The following ZFTA variants were observed in gnomAD, a reference collection of about 807,000 sequenced individuals.
ZFTA encodes the protein zinc finger translocation-associated protein.
Under a neutral mutation model 41.8 loss-of-function variants are expected in ZFTA, and 35 were observed. The observed-to-expected ratio is 0.84, with a 90% CI of 0.64 to 1.11. The LOEUF (loss-of-function observed/expected upper bound fraction) is 1.11, where lower values mean the gene tolerates loss of function less well. ZFTA is among the 50% of genes most tolerant of loss of function. The pLI is 0.00. For missense variants in ZFTA, 964 were observed against 989.8 expected (o/e 0.97, Z 0.35); for synonymous variants, 514 against 436.4 (o/e 1.18, Z -2.22).
intron 1 of ZFTA, 70 bp from the exon 2 acceptor site, chr11:63,766,374 G>A: frequency 7.1e-7 from 1 of 1,404,020 alleles, no homozygotes; most frequent in Non-Finnish European, 9.2e-7. Context: ...GGCTTTGATG[G>A]TGAGCCCTGA....
Position 63,764,302 on chromosome 11 carries a change from C to A in ZFTA, c.1321G>T (p.Val441Leu), listed in dbSNP as rs2014707329. The A allele has an allele frequency of 1.4e-6, 2 of 1,424,878 alleles. No homozygotes were observed. Among genetic ancestry groups the A allele is most frequent in the Non-Finnish European group, 1.8e-6 (2 of 1,095,278 alleles). The allele number at this position is 1,424,878 out of a possible 1,614,324, so 88.3% of individuals were successfully genotyped here. A position where few individuals can be genotyped will look rare whatever the true frequency, so the allele number is the denominator to read the frequency against. ...AGCGAGGCCAGCGCGCCCCCGCACACCCCGCACACCAGGCCGCGCCGGCCG... is the reference window on the plus strand; with the variant it reads ...AGCGAGGCCAGCGCGCCCCCGCACAACCCGCACACCAGGCCGCGCCGGCCG... ...DGGRRGLVCGVCGGALASLKM... is the reference protein window; with the variant it reads ...DGGRRGLVCGLCGGALASLKM... Residue 441 changes from valine (V) to leucine (L), a missense_variant, in exon 4 of 5, where the codon GTG (valine) becomes TTG (leucine). Transcript: ENST00000433688.
In ZFTA at chr11:63,765,192, C is replaced by A; in HGVS notation, c.700G>T (p.Ala234Ser). 1 of 1,509,684 alleles carries A rather than the reference C, an allele frequency of 6.6e-7. No individual in the cohort carries two copies. The highest frequency in any genetic ancestry group is 2.4e-4 in the Middle Eastern group (1 of 4,192). 93.5% of individuals were successfully genotyped at this position (1,509,684 alleles called of 1,614,324 possible). A position where few individuals can be genotyped will look rare whatever the true frequency, so the allele number is the denominator to read the frequency against. ...QRRGGPVAPR[A>S]RRLRLSASRR... ...GAGGCTGAGAGGCGCAGACGCCGAG[C>A]CCGGGGTGCCACTGGGCCCCCTCGC... The change falls in exon 3 of 5, where the codon GCT becomes TCT. Residue 234 changes from alanine (A) to serine (S), a missense_variant. Physicochemically the swap from Ala to Ser is moderately conservative, Grantham distance 99. Coordinates refer to ENST00000433688, the MANE Select transcript of ZFTA (RefSeq NM_001144936.2). The surrounding 1 kb of genome is among the most constrained non-coding windows in gnomAD (Gnocchi z 4.0).
Position 63,765,395 on chromosome 11 carries a change from A to G in ZFTA, c.638-141T>C, listed in dbSNP as rs1194106110. ...TCTCTTCCTCTCTCCTGAAATCCTA[A>G]CTCCCTAAACCCTCCTCTGCTAGCA... On this transcript the variant is annotated intron_variant, in intron 2 of 4. Coordinates refer to ENST00000433688, the MANE Select transcript of ZFTA (RefSeq NM_001144936.2). This position sits in a 1 kb window ranked among gnomAD's most constrained non-coding sequence, Gnocchi z 4.0. 1 of 977,216 alleles carries G rather than the reference A, an allele frequency of 1.0e-6. No homozygotes were observed. The allele number at this position is 977,216 out of a possible 1,614,324, so 60.5% of individuals were successfully genotyped here.
chr11:63,765,043 C>G lies in ZFTA; in HGVS notation c.849G>C (p.Leu283=). 3 of 1,548,904 alleles carry G rather than the reference C, an allele frequency of 1.9e-6. No homozygotes were observed. The highest frequency in any genetic ancestry group is 2.6e-6 in the Non-Finnish European group (3 of 1,146,444). The part of the protein sequence containing the change: ...LMDYDPRGNR[L]VCMACGRALP... ...GTGCCCGGCCACAGGCCATGCACAC[C>G]AGCCGGTTCCCCCGCGGGTCATAGT... Residue 283 remains leucine, a synonymous_variant, in exon 3 of 5, where the codon CTG becomes CTC. Coordinates refer to ENST00000433688, the MANE Select transcript of ZFTA (RefSeq NM_001144936.2). This position sits in a 1 kb window ranked among gnomAD's most constrained non-coding sequence, Gnocchi z 4.0.
Position 63,763,921 on chromosome 11 carries a change from G to GC in ZFTA, c.1586-53dup, listed in dbSNP as rs1010533026. 2.2e-6 allele frequency: 3 copies of GC among 1,382,270 alleles called. No individual in the cohort carries two copies. In the African/African-American group the frequency reaches 4.6e-5, roughly 21 times the overall value. 85.6% of individuals were successfully genotyped at this position (1,382,270 alleles called of 1,614,324 possible). A position where few individuals can be genotyped will look rare whatever the true frequency, so the allele number is the denominator to read the frequency against. On this transcript the variant is annotated intron_variant, in intron 4 of 4. Coordinates refer to ENST00000433688, the MANE Select transcript of ZFTA (RefSeq NM_001144936.2). ...GCGACGGCGGGGGGCAGCGGGCTGG[G>GC]CCCCGCGTCTCATCTCCAGTCACCC...
rs942536649 is a variant in ZFTA, at chr11:63,764,559, C to T, written c.1064G>A (p.Arg355Gln). ...LAPQDLTGKS[R>Q]DSASAAGAPS... is the part of the protein sequence containing the mutation. ...GGCTCCAGCAGCGGAGGCCGAGTCC[C>T]GGCTCTTTCCGGTCAGGTCCTGGGG... The change falls in exon 4 of 5, where the codon CGG (arginine) becomes CAG (glutamine). Residue 355 changes from arginine (R) to glutamine (Q), a missense_variant. Coordinates refer to ENST00000433688, the MANE Select transcript of ZFTA (RefSeq NM_001144936.2). 4.3e-5 allele frequency: 54 copies of T among 1,254,564 alleles called. No individual in the cohort carries two copies. The South Asian group carries it at 2.0e-3, about 47-fold the overall frequency. 77.7% of individuals were successfully genotyped at this position (1,254,564 alleles called of 1,614,324 possible). A position where few individuals can be genotyped will look rare whatever the true frequency, so the allele number is the denominator to read the frequency against.
chr11:63,764,411 G>A lies in ZFTA; in HGVS notation c.1212C>T (p.Val404=). The change falls in exon 4 of 5, where the codon GTC becomes GTT. Residue 404 remains valine, a synonymous_variant. Coordinates refer to ENST00000433688, the MANE Select transcript of ZFTA (RefSeq NM_001144936.2). ...LEEGEGERAG[V]PGRSPRGRAH... is the part of the protein sequence containing the mutation. ...CGCGGCCCCGCGGCGACCGGCCCGG[G>A]ACCCCCGCCCTCTCGCCCTCGCCCT... The A allele has an allele frequency of 7.8e-7, 1 of 1,279,034 alleles. No homozygotes were observed. The allele number at this position is 1,279,034 out of a possible 1,614,324, so 79.2% of individuals were successfully genotyped here.
rs2135084782 is a variant in ZFTA, at chr11:63,760,260, G to C, written c.*3158C>G. On this transcript the variant is annotated 3_prime_UTR_variant, in exon 5 of 5. Transcript: ENST00000433688. Reference sequence around the variant, plus strand: ...ACACTTAAATTGAGTCAATCACCGTGGAAAATGGGAACTAAATACATCATC... The same window carrying C: ...ACACTTAAATTGAGTCAATCACCGTCGAAAATGGGAACTAAATACATCATC... The C allele has an allele frequency of 6.6e-6, 1 of 152,226 alleles. No individual in the cohort carries two copies. Among genetic ancestry groups the C allele is most frequent in the Admixed American group, 6.5e-5 (1 of 15,290 alleles). The allele number at this position is 152,226 out of a possible 1,614,324, so 9.4% of individuals were successfully genotyped here. A position where few individuals can be genotyped will look rare whatever the true frequency, so the allele number is the denominator to read the frequency against.
chr11:63,764,839 G>A (rs2014718160), intron 3 of ZFTA, 29 bp downstream of exon 3: 2 of 1,447,540 alleles, frequency 1.4e-6, no homozygotes, highest in Admixed American at 2.6e-5. Context: ...CCAGTATGAG[G>A]GGGTCTCAGC....
In ZFTA at chr11:63,763,312, G is replaced by T. The variant is rs982018361; in HGVS notation, c.*106C>A. 8.0e-6 allele frequency: 7 copies of T among 870,458 alleles called. No homozygotes were observed. Among genetic ancestry groups the T allele is most frequent in the Non-Finnish European group, 1.0e-5 (7 of 692,930 alleles). The allele number at this position is 870,458 out of a possible 1,614,324, so 53.9% of individuals were successfully genotyped here. A position where few individuals can be genotyped will look rare whatever the true frequency, so the allele number is the denominator to read the frequency against. ...AGCGGGGGGCGCGGCCGCGGGAAGC[G>T]CTAACACCGGACGCGAGGGTCTCCC... is the stretch of plus-strand genomic sequence containing the variant. On this transcript the variant is annotated 3_prime_UTR_variant, in exon 5 of 5. Coordinates refer to ENST00000433688, the MANE Select transcript of ZFTA (RefSeq NM_001144936.2).
In ZFTA at chr11:63,763,812, T is replaced by G. The variant is rs2135092484; in HGVS notation, c.1643A>C (p.Asp548Ala). Residue 548 changes from aspartate to alanine, a missense_variant, in exon 5 of 5, where the codon GAC becomes GCC. Physicochemically the swap from Asp to Ala is moderately radical, Grantham distance 126. Transcript: ENST00000433688. ...PLERPAEEEE[D>A]EEDGQEPGGL... ...CCCAGGCTCCTGGCCGTCCTCTTCG[T>G]CCTCCTCTTCTTCGGCGGGCCGCTC... 2.1e-6 allele frequency: 3 copies of G among 1,446,138 alleles called. No homozygotes were observed. In the East Asian group the frequency reaches 7.9e-5, roughly 38 times the overall value. The allele number at this position is 1,446,138 out of a possible 1,614,324, so 89.6% of individuals were successfully genotyped here. A position where few individuals can be genotyped will look rare whatever the true frequency, so the allele number is the denominator to read the frequency against.
chr11:63,763,921 G>C, intron 4 of ZFTA, 52 bp from the exon 5 acceptor site: 1 of 1,382,282 alleles, frequency 7.2e-7, no homozygotes, highest in Non-Finnish European at 9.4e-7. Context: ...AGCGGGCTGG[G>C]CCCCGCGTCT....
intron 1 of ZFTA, among the ~76,000 whole-genome samples, chr11:63,766,717 C>A (rs1238732040): frequency 6.6e-6 from 1 of 152,190 alleles, no homozygotes; most frequent in Admixed American, 6.5e-5. Context: ...CATCTGTCTA[C>A]AGCCAGGGCT....
rs1590906804 is a variant in ZFTA at position 63,760,310 on chromosome 11, T to C, written c.*3108A>G. ...CAGGTCTTCATTGAAAGAACTTGAG[T>C]GGTCACCTGTGATTAGCTCTTCTCC... On this transcript the variant is annotated 3_prime_UTR_variant, in exon 5 of 5. Coordinates refer to ENST00000433688, the MANE Select transcript of ZFTA (RefSeq NM_001144936.2). The C allele has an allele frequency of 6.6e-6, 1 of 152,202 alleles. No individual in the cohort carries two copies. The highest frequency in any genetic ancestry group is 1.5e-5 in the Non-Finnish European group (1 of 68,040). 9.4% of individuals were successfully genotyped at this position (152,202 alleles called of 1,614,324 possible). A position where few individuals can be genotyped will look rare whatever the true frequency, so the allele number is the denominator to read the frequency against.
chr11:63,766,789 C>G (rs1252153379), intron 1 of ZFTA, among the ~76,000 whole-genome samples: 1 of 152,202 alleles, frequency 6.6e-6, no homozygotes, highest in Non-Finnish European at 1.5e-5. Context: ...GGTCTTCTCC[C>G]TTTTTCCAGT....
rs915090708 is a variant in ZFTA at position 63,765,788 on chromosome 11, G to A, written c.637+19C>T. 6.9e-7 allele frequency: 1 copy of A among 1,456,526 alleles called. No homozygotes were observed. Among genetic ancestry groups the A allele is most frequent in the Non-Finnish European group, 9.0e-7 (1 of 1,106,016 alleles). The allele number at this position is 1,456,526 out of a possible 1,614,324, so 90.2% of individuals were successfully genotyped here. A position where few individuals can be genotyped will look rare whatever the true frequency, so the allele number is the denominator to read the frequency against. On this transcript the variant is annotated intron_variant, in intron 2 of 4. Transcript: ENST00000433688. This position sits in a 1 kb window ranked among gnomAD's most constrained non-coding sequence, Gnocchi z 4.0. ...GGCCACCCAGGCCCCTGCCTGTACAGAATCTGCATTTGCATTACCTGGGCC... is the reference window on the plus strand; with the variant it reads ...GGCCACCCAGGCCCCTGCCTGTACAAAATCTGCATTTGCATTACCTGGGCC...
Position 63,760,071 on chromosome 11 carries a change from G to A in ZFTA, c.*3347C>T, listed in dbSNP as rs1020889671. 3 of 152,250 alleles carry A rather than the reference G, an allele frequency of 2.0e-5. No individual in the cohort carries two copies. The highest frequency in any genetic ancestry group is 4.8e-5 in the African/African-American group (2 of 41,554). 9.4% of individuals were successfully genotyped at this position (152,250 alleles called of 1,614,324 possible). The stretch of plus-strand genomic sequence containing the variant: ...GAATTTAGTTGTACAGCATAACTGT[G>A]CATTTGATCTCTGAAAGAAAATAAG... On this transcript the variant is annotated 3_prime_UTR_variant, in exon 5 of 5. Coordinates refer to ENST00000433688, the MANE Select transcript of ZFTA (RefSeq NM_001144936.2).
rs2014742060 is a variant in ZFTA at position 63,766,166 on chromosome 11, T to C, written c.278A>G (p.Lys93Arg). 3 of 1,518,406 alleles carry C rather than the reference T, an allele frequency of 2.0e-6. No individual in the cohort carries two copies. The highest frequency in any genetic ancestry group is 2.7e-6 in the Non-Finnish European group (3 of 1,131,736). The allele number at this position is 1,518,406 out of a possible 1,614,324, so 94.1% of individuals were successfully genotyped here. The change falls in exon 2 of 5, where the codon AAG becomes AGG. Residue 93 changes from lysine to arginine, a missense_variant. Lys to Arg is a conservative substitution (Grantham distance 26). Around this residue, in one of 5 missense-constraint regions of ZFTA, gnomAD observed 141 missense variants for 216.7 expected, o/e 0.65. Coordinates refer to ENST00000433688, the MANE Select transcript of ZFTA (RefSeq NM_001144936.2). Reference protein sequence around the residue: ...HCEARASRPGKSRIPGRDHRR... With the variant: ...HCEARASRPGRSRIPGRDHRR... ...GTGGTCACGGCCAGGGATGCGGCTCTTTCCAGGCCTCGAGGCCCGGGCCTC... is the reference window on the plus strand; with the variant it reads ...GTGGTCACGGCCAGGGATGCGGCTCCTTCCAGGCCTCGAGGCCCGGGCCTC...
rs1316091113 is a variant in ZFTA, at chr11:63,766,129, G to A, written c.315C>T (p.Tyr105=). The A allele has an allele frequency of 4.6e-6, 7 of 1,519,098 alleles. No individual in the cohort carries two copies. Among genetic ancestry groups the A allele is most frequent in the Admixed American group, 4.2e-5 (2 of 47,406 alleles). The allele number at this position is 1,519,098 out of a possible 1,614,324, so 94.1% of individuals were successfully genotyped here. ...GGTACTCCAGCCGCCAGTGGTCGTG[G>A]TAGTAGCGCCGGTGGTCACGGCCAG... is the stretch of plus-strand genomic sequence containing the variant. ...RIPGRDHRRY[Y]HDHWRLEYLM... The change falls in exon 2 of 5, where the codon TAC becomes TAT. Residue 105 remains tyrosine (Y), a synonymous_variant. Coordinates refer to ENST00000433688, the MANE Select transcript of ZFTA (RefSeq NM_001144936.2).
Sources: gnomAD v4.1 joint callset for allele counts (sites outside exome capture counted in the v4.1 genomes callset) on GRCh38, gnomAD v4.1.1 for gene constraint, gnomAD v4.1.1 regional missense constraint, Gnocchi (gnomAD v3.1) non-coding constraint, MANE v1.5 for transcripts, NCBI Gene and HGNC (gene_info 2026-07-23, HGNC 2026-07-21) for gene names.